STRN: variants seen among roughly 807,000 people sequenced by gnomAD.
STRN encodes striatin.
STRN carries 53 observed loss-of-function variants against 96.3 expected under a neutral mutation model. The observed-to-expected ratio is 0.55, with a 90% confidence interval of 0.44 to 0.69. The LOEUF is 0.69. Ranked by LOEUF, STRN falls within the 30% of genes least tolerant of loss-of-function variation. The pLI is 0.00. For synonymous variants in STRN, 428 were observed against 355.9 expected, an observed-to-expected ratio of 1.20 and a Z score of -2.28; for missense variants, 987 against 963.9, an observed-to-expected ratio of 1.02 and a Z score of -0.32.
At chr2:36,919,611 A>G (rs1406035933) in intron 2 of STRN, among the ~76,000 whole-genome samples, 1 of 152,206 alleles carries the variant, frequency 6.6e-6, no homozygotes, top group Non-Finnish European at 1.5e-5. Context: ...AAGAACGTGA[A>G]ATTAGCTAGA....
chr2:36,910,485 AT>A (rs1434586718), intron 3 of STRN, among the ~76,000 whole-genome samples: 1 of 152,218 alleles, frequency 6.6e-6, no homozygotes, highest in Non-Finnish European at 1.5e-5. Flanking sequence ...GAAGTACACT[AT>A]TATAAGGTTA....
At chr2:36,947,543 G>T (rs1373128910) in intron 1 of STRN, among the ~76,000 whole-genome samples, 1 of 147,878 alleles carries the variant, frequency 6.8e-6, no homozygotes, top group Non-Finnish European at 1.5e-5. Context: ...GATAACTCGG[G>T]AACATATATA....
At chr2:36,859,898 T>C (rs1668433756) in intron 13 of STRN, among the ~76,000 whole-genome samples, 1 of 152,156 alleles carries the variant, frequency 6.6e-6, no homozygotes, top group Non-Finnish European at 1.5e-5. Flanking sequence ...TACATGTAAG[T>C]GTTGTAGCCA....
chr2:36,954,235 G>C (rs750727908), intron 1 of STRN, among the ~76,000 whole-genome samples: 20 of 152,080 alleles, frequency 1.3e-4, no homozygotes, highest in Non-Finnish European at 2.4e-4. Context: ...ATTTGGCCAG[G>C]CGTGGTGGCT....
intron 1 of STRN, among the ~76,000 whole-genome samples, chr2:36,927,659 A>AT (rs1222684115): frequency 2.0e-5 from 3 of 152,090 alleles, no homozygotes; most frequent in African/African-American, 7.2e-5. Context: ...AAGACATCTC[A>AT]TAAAAAAATT....
intron 1 of STRN, among the ~76,000 whole-genome samples, chr2:36,956,828 G>A (rs1262015016): frequency 6.6e-6 from 1 of 152,182 alleles, no homozygotes; most frequent in Non-Finnish European, 1.5e-5. Context: ...CCAAAAATTA[G>A]TAGGGCCATT....
intron 1 of STRN, among the ~76,000 whole-genome samples, chr2:36,948,110 T>A (rs1664644517): frequency 1.6e-5 from 1 of 61,790 alleles, no homozygotes; most frequent in African/African-American, 6.6e-5. Context: ...TTTTTTTTTT[T>A]TTTTTTTTTG....
chr2:36,895,258 C>G (rs1203100059), intron 6 of STRN, among the ~76,000 whole-genome samples: 1 of 151,256 alleles, frequency 6.6e-6, no homozygotes, highest in African/African-American at 2.4e-5. Context: ...ACCTGGGAGG[C>G]AGAGCTTGCA....
chr2:36,961,268 C>T (rs1340805671), intron 1 of STRN, among the ~76,000 whole-genome samples: 1 of 150,798 alleles, frequency 6.6e-6, no homozygotes. Flanking sequence ...CTGGGACTAA[C>T]CCGGCTAATT....
chr2:36,851,056 G>C lies in STRN; in HGVS notation c.2030C>G (p.Pro677Arg), dbSNP rs929001271. ...INRVISHPTL[P>R]ISITAHEDRH... ...GTCTTCATGAGCAGTGATGCTGATC[G>C]GAAGAGTAGGATGACTGATGACTCT... The change falls in exon 16 of 18, where the codon CCG (proline) becomes CGG (arginine). Residue 677 changes from proline to arginine, a missense_variant. Pro to Arg is a moderately radical substitution (Grantham distance 103). Coordinates refer to ENST00000263918, the MANE Select transcript of STRN (RefSeq NM_003162.4). 1 of 1,613,668 alleles carries C rather than the reference G, an allele frequency of 6.2e-7. No homozygotes were observed. The highest frequency in any genetic ancestry group is 2.2e-5 in the East Asian group (1 of 44,864).
In STRN at chr2:36,957,744, C is replaced by CTTTTTTTTTTT. The variant is rs1159531782; in HGVS notation, c.234+8475_234+8485dup. Among the ~76,000 whole-genome samples the CTTTTTTTTTTT allele has an allele frequency of 1.1e-3, 99 of 89,190 alleles. 8 individuals carry two copies. Among genetic ancestry groups the CTTTTTTTTTTT allele is most frequent in the East Asian group, 7.2e-3 (13 of 1,796 alleles). 58.5% of individuals were successfully genotyped at this position (89,190 alleles called of 152,430 possible). A position where few individuals can be genotyped will look rare whatever the true frequency, so the allele number is the denominator to read the frequency against. On this transcript the variant is annotated intron_variant, in intron 1 of 17. Transcript: ENST00000263918. ...TTAGTCTCATAGTTCTTCTTTTTGT[C>CTTTTTTTTTTT]TTTTTTTTTTTTTTTTTTTTTTTTT...
chr2:36,867,894 A>C (rs769202326), intron 11 of STRN, 33 bp from the exon 12 acceptor site: 25 of 1,523,538 alleles, frequency 1.6e-5, no homozygotes, highest in Non-Finnish European at 2.2e-5. Flanking sequence ...TACCATTCTA[A>C]GTGTCAGTAA....
chr2:36,966,532 G>GCCT lies in STRN; in HGVS notation c.-72_-70dup, dbSNP rs1553408653. The GCCT allele has an allele frequency of 5.2e-6, 7 of 1,353,566 alleles. No homozygotes were observed. Among genetic ancestry groups the GCCT allele is most frequent in the Non-Finnish European group, 6.6e-6 (7 of 1,057,400 alleles). The allele number at this position is 1,353,566 out of a possible 1,614,324, so 83.8% of individuals were successfully genotyped here. ...GGAGGCAACAGCGGCGGCAAGCAGC[G>GCCT]CCTCCTCCTCCCTCCGCCGCTCCCG... On this transcript the variant is annotated 5_prime_UTR_variant, in exon 1 of 18. Coordinates refer to ENST00000263918, the MANE Select transcript of STRN (RefSeq NM_003162.4).
At chr2:36,895,631 G>A (rs112168902) in intron 6 of STRN, among the ~76,000 whole-genome samples, 12,508 of 151,838 alleles carry the variant, frequency 0.082, 1,144 homozygotes, top group East Asian at 0.51. Context: ...GTGTATCTGG[G>A]CCAGGTACGG....
chr2:36,874,418 G>C (rs1668847720), intron 10 of STRN, among the ~76,000 whole-genome samples: 1 of 151,854 alleles, frequency 6.6e-6, no homozygotes, highest in Non-Finnish European at 1.5e-5. Context: ...AGAGGAAGAA[G>C]GTATAACACA....
chr2:36,940,742 C>G (rs982048210), intron 1 of STRN, among the ~76,000 whole-genome samples: 1 of 145,154 alleles, frequency 6.9e-6, no homozygotes, highest in Non-Finnish European at 1.5e-5. Context: ...GAGGCTGAGG[C>G]AGGAGAATGG....
intron 1 of STRN, among the ~76,000 whole-genome samples, chr2:36,925,648 C>T (rs1018847055): frequency 6.6e-6 from 1 of 152,016 alleles, no homozygotes; most frequent in Admixed American, 6.6e-5. Flanking sequence ...CTGGTGGCAC[C>T]TGTAATCCCA....
intron 7 of STRN, among the ~76,000 whole-genome samples, chr2:36,889,858 C>G (rs187441565): frequency 2.0e-5 from 3 of 152,224 alleles, no homozygotes; most frequent in Admixed American, 2.0e-4. Context: ...CAGCACACTA[C>G]TAAAGAAGGA....
At chr2:36,940,684 A>G (rs1164175398) in intron 1 of STRN, among the ~76,000 whole-genome samples, 1 of 151,804 alleles carries the variant, frequency 6.6e-6, no homozygotes, top group Non-Finnish European at 1.5e-5. Context: ...ATAAAAATAA[A>G]AATTAGCCAG....
Sources: allele counts gnomAD v4.1 joint callset (sites outside exome capture counted in the v4.1 genomes callset), GRCh38; gene constraint gnomAD v4.1.1; transcripts MANE v1.5; gene names NCBI Gene and HGNC (gene_info 2026-07-23, HGNC 2026-07-21).